The following DENND3 variants were observed in gnomAD, a reference collection of about 807,000 sequenced individuals.
The protein encoded by DENND3 is DENN domain containing 3, also known as DENN domain-containing protein 3.
Under a neutral mutation model 135.1 loss-of-function variants are expected in DENND3, and 88 were observed. That is an observed-to-expected ratio of 0.65 (90% confidence interval 0.55 to 0.78). The LOEUF (loss-of-function observed/expected upper bound fraction) is 0.78, where lower values mean the gene tolerates loss of function less well. DENND3 is among the 30% of genes least tolerant of loss of function. The probability of loss-of-function intolerance (pLI) is 0.00; values close to 1 mark genes in which losing one functional copy is unlikely to be tolerated. For synonymous variants in DENND3, 693 were observed against 712.3 expected (o/e 0.97, Z 0.43); for missense variants, 1,392 against 1,688.4 (o/e 0.82, Z 3.08).
chr8:141,180,461 T>C (rs1822946376), intron 16 of DENND3, among the ~76,000 whole-genome samples: 1 of 152,084 alleles, frequency 6.6e-6, no homozygotes, highest in Non-Finnish European at 1.5e-5. Flanking sequence ...GAAGGCTGTG[T>C]TTAAACAAAG....
intron 17 of DENND3, among the ~76,000 whole-genome samples, chr8:141,181,444 G>A (rs1037473495): frequency 2.0e-5 from 3 of 152,248 alleles, no homozygotes; most frequent in African/African-American, 7.2e-5. Flanking sequence ...CATAGGAACT[G>A]GAATGACAAG....
intron 18 of DENND3, among the ~76,000 whole-genome samples, chr8:141,187,644 A>G (rs1047423110): frequency 8.1e-6 from 1 of 123,686 alleles, no homozygotes; most frequent in East Asian, 2.9e-4. Flanking sequence ...AATACATACC[A>G]CCAAGAGGGT....
chr8:141,170,615 G>A (rs1004920446), intron 13 of DENND3, among the ~76,000 whole-genome samples: 7 of 152,200 alleles, frequency 4.6e-5, no homozygotes, highest in Non-Finnish European at 1.0e-4. Context: ...TCCCTGTGCC[G>A]TGCTTCGGGG....
At position 141,192,618 on chromosome 8, in the gene DENND3, C is replaced by T. The variant is rs373954188; in HGVS notation, c.3591C>T (p.Leu1197=). 32 of 1,598,836 alleles carry T rather than the reference C, an allele frequency of 2.0e-5. No homozygotes were observed. In the African/African-American group the frequency reaches 2.0e-4, roughly 10 times the overall value. ...CCCAGCCCCCGCAGAGGGTGCCCCTCGAGGACTGCTCTGAGATCAACTGCA... is the reference window on the plus strand; with the variant it reads ...CCCAGCCCCCGCAGAGGGTGCCCCTTGAGGACTGCTCTGAGATCAACTGCA... The part of the protein sequence containing the change: ...DLAQPPQRVP[L]EDCSEINCMI... The change falls in exon 22 of 23, where the codon CTC becomes CTT. Residue 1197 remains leucine, a synonymous_variant. Transcript: ENST00000519811.
Position 141,180,844 on chromosome 8 carries a change from C to G in DENND3, c.2934C>G (p.Leu978=), listed in dbSNP as rs762045380. The G allele has an allele frequency of 2.4e-5, 38 of 1,612,410 alleles. No individual in the cohort carries two copies. Among genetic ancestry groups the G allele is most frequent in the Non-Finnish European group, 3.0e-5 (35 of 1,179,364 alleles). Residue 978 remains leucine (L), a synonymous_variant, in exon 17 of 23, where the codon CTC becomes CTG. Transcript: ENST00000519811. ...TCCCACAAGCGGTGGACGTGCTGCT[C>G]TACACTCCAGGTAAGGCCCCTCTGC... ...EAFPQAVDVL[L]YTPGHLDPAE...
At chr8:141,171,407 G>A (rs1303805601) in intron 13 of DENND3, among the ~76,000 whole-genome samples, 1 of 152,234 alleles carries the variant, frequency 6.6e-6, no homozygotes, top group African/African-American at 2.4e-5. Context: ...CCCCAGGGAC[G>A]CTGACATGTC....
In DENND3 at chr8:141,155,863, A is replaced by G. The variant is rs182038845; in HGVS notation, c.1089A>G (p.Leu363=). The G allele has an allele frequency of 2.3e-5, 37 of 1,602,342 alleles. No individual in the cohort carries two copies. The highest frequency in any genetic ancestry group is 3.4e-5 in the Admixed American group (2 of 58,582). The part of the protein sequence containing the change: ...FEEVSKEADG[L]VLINIDHGSI... The stretch of plus-strand genomic sequence containing the variant: ...TTGTTTTCTAGGAAGCCGACGGTTT[A>G]GTTCTGATAAATATTGATCATGGGA... The change falls in exon 8 of 23, where the codon TTA becomes TTG. Residue 363 remains leucine (L), a synonymous_variant. Coordinates refer to ENST00000519811, the MANE Select transcript of DENND3 (RefSeq NM_001352890.3).
At chr8:141,136,235 C>T (rs545805930) in intron 1 of DENND3, among the ~76,000 whole-genome samples, 2 of 152,286 alleles carry the variant, frequency 1.3e-5, no homozygotes, top group Admixed American at 6.5e-5. Flanking sequence ...GCAGCCTGGA[C>T]GGCAGTGCTT....
rs1481668902 is a variant in DENND3 at position 141,128,670 on chromosome 8, C to T, written c.-38C>T. On this transcript the variant is annotated 5_prime_UTR_variant, in exon 1 of 23. Coordinates refer to ENST00000519811, the MANE Select transcript of DENND3 (RefSeq NM_001352890.3). This position sits in a 1 kb window ranked among gnomAD's most constrained non-coding sequence, Gnocchi z 4.5. ...TCTGCGGGCGACTGCGCGGCTGAGGCGCCCGAGTGCGGTACTGGCGGCGGG... is the reference window on the plus strand; with the variant it reads ...TCTGCGGGCGACTGCGCGGCTGAGGTGCCCGAGTGCGGTACTGGCGGCGGG... 12 of 1,288,512 alleles carry T rather than the reference C, an allele frequency of 9.3e-6. No homozygotes were observed. The highest frequency in any genetic ancestry group is 1.1e-5 in the Non-Finnish European group (11 of 1,009,874). 79.8% of individuals were successfully genotyped at this position (1,288,512 alleles called of 1,614,324 possible).
At position 141,192,646 on chromosome 8, in the gene DENND3, A is replaced by G. The variant is rs747954429; in HGVS notation, c.3619A>G (p.Ile1207Val). Residue 1207 changes from isoleucine (I) to valine (V), a missense_variant, in exon 22 of 23, where the codon ATC (isoleucine) becomes GTC (valine). Transcript: ENST00000519811. Reference sequence around the variant, plus strand: ...GGACTGCTCTGAGATCAACTGCATGATCCGGGTGAAGAAGCAGGTAGGGTG... The same window carrying G: ...GGACTGCTCTGAGATCAACTGCATGGTCCGGGTGAAGAAGCAGGTAGGGTG... The part of the protein sequence containing the change: ...LEDCSEINCM[I>V]RVKKQVWVGS... The G allele has an allele frequency of 6.2e-7, 1 of 1,606,588 alleles. No individual in the cohort carries two copies. The highest frequency in any genetic ancestry group is 1.1e-5 in the South Asian group (1 of 90,414).
In DENND3 at chr8:141,182,461, A is replaced by G. The variant is rs762043134; in HGVS notation, c.2944+1607A>G. ...CAGAGATGACTCCACAGACCAAGAT[A>G]CTTTGACCGTGGCATTTGAATACAT... On this transcript the variant is annotated intron_variant, in intron 17 of 22. Transcript: ENST00000519811. This position sits in a 1 kb window ranked among gnomAD's most constrained non-coding sequence, Gnocchi z 5.9. The G allele has an allele frequency of 7.8e-5, 77 of 985,284 alleles. 1 individual carries two copies. Among genetic ancestry groups the G allele is most frequent in the Non-Finnish European group, 9.3e-5 (77 of 829,926 alleles). 61.0% of individuals were successfully genotyped at this position (985,284 alleles called of 1,614,324 possible). A position where few individuals can be genotyped will look rare whatever the true frequency, so the allele number is the denominator to read the frequency against.
rs1371482989 is a variant in DENND3, at chr8:141,174,749, C to T, written c.2276-451C>T. ...AGAGGCCGACCCAGTGGCAGGGCAG[C>T]GGCGCTAAGGATCCAACCTTCCCGG... On this transcript the variant is annotated intron_variant, in intron 13 of 22. Transcript: ENST00000519811. The surrounding 1 kb of genome is among the most constrained non-coding windows in gnomAD (Gnocchi z 4.6). 1.3e-5 allele frequency among the ~76,000 whole-genome samples: 2 copies of T among 152,150 alleles called. No individual in the cohort carries two copies. Among genetic ancestry groups the T allele is most frequent in the East Asian group, 1.9e-4 (1 of 5,194 alleles).
chr8:141,161,389 A>G (rs1820115536), intron 9 of DENND3, among the ~76,000 whole-genome samples: 1 of 152,210 alleles, frequency 6.6e-6, no homozygotes, highest in Non-Finnish European at 1.5e-5. Flanking sequence ...TAATTACAGC[A>G]TTAGCTACCT....
intron 13 of DENND3, among the ~76,000 whole-genome samples, chr8:141,169,316 A>G (rs892700097): frequency 3.9e-5 from 6 of 152,220 alleles, no homozygotes; most frequent in African/African-American, 1.4e-4. Context: ...CCCTTAGGCA[A>G]TGTGCCTGTC....
In DENND3 at chr8:141,128,877, G is replaced by A. The variant is rs1815522274; in HGVS notation, c.102+68G>A. On this transcript the variant is annotated intron_variant, in intron 1 of 22. Coordinates refer to ENST00000519811, the MANE Select transcript of DENND3 (RefSeq NM_001352890.3). This position sits in a 1 kb window ranked among gnomAD's most constrained non-coding sequence, Gnocchi z 4.5. ...GCAGCCGGGACAGCAGTCGGAGAGC[G>A]GGCGCCCGGGTGCCCTGTGGGTTGG... is the stretch of plus-strand genomic sequence containing the variant. 3 of 1,206,218 alleles carry A rather than the reference G, an allele frequency of 2.5e-6. No individual in the cohort carries two copies. The allele number at this position is 1,206,218 out of a possible 1,614,324, so 74.7% of individuals were successfully genotyped here. A position where few individuals can be genotyped will look rare whatever the true frequency, so the allele number is the denominator to read the frequency against.
At chr8:141,181,557 AC>A (rs1369603841) in intron 17 of DENND3, among the ~76,000 whole-genome samples, 1 of 152,132 alleles carries the variant, frequency 6.6e-6, no homozygotes, top group Non-Finnish European at 1.5e-5. Flanking sequence ...GGGACCCTGC[AC>A]GCCGCATCAG....
chr8:141,166,502 G>T lies in DENND3; in HGVS notation c.1753+113G>T, dbSNP rs1285929465. ...AGGAGAGACGAGTGGGCTTGTTTTAGCAGCTGAGTTATTTGAAATGTTTAG... is the reference window on the plus strand; with the variant it reads ...AGGAGAGACGAGTGGGCTTGTTTTATCAGCTGAGTTATTTGAAATGTTTAG... On this transcript the variant is annotated intron_variant, in intron 12 of 22. Transcript: ENST00000519811. The surrounding 1 kb of genome is among the most constrained non-coding windows in gnomAD (Gnocchi z 4.3). 3 of 1,111,230 alleles carry T rather than the reference G, an allele frequency of 2.7e-6. 1 individual carries two copies. In the East Asian group the frequency reaches 7.5e-5, roughly 28 times the overall value. 68.8% of individuals were successfully genotyped at this position (1,111,230 alleles called of 1,614,324 possible). A position where few individuals can be genotyped will look rare whatever the true frequency, so the allele number is the denominator to read the frequency against.
Position 141,185,229 on chromosome 8 carries a change from C to T in DENND3, c.3035C>T (p.Ser1012Phe), listed in dbSNP as rs1823739852. The T allele has an allele frequency of 6.2e-7, 1 of 1,614,252 alleles. No homozygotes were observed. The highest frequency in any genetic ancestry group is 8.5e-7 in the Non-Finnish European group (1 of 1,180,048). ...GGCAAGGTGACCGTGTTCAATGCTT[C>T]TTCATGGACCATCCACCAGCACTCC... is the stretch of plus-strand genomic sequence containing the variant. ...SEGKVTVFNA[S>F]SWTIHQHSFK... is the part of the protein sequence containing the mutation. Residue 1012 changes from serine to phenylalanine, a missense_variant, in exon 18 of 23, where the codon TCT (serine) becomes TTT (phenylalanine). By Grantham distance (155) the Ser-to-Phe change is radical. Coordinates refer to ENST00000519811, the MANE Select transcript of DENND3 (RefSeq NM_001352890.3).
intron 18 of DENND3, 90 bp downstream of exon 18, chr8:141,185,368 C>T (rs1322347435): frequency 1.3e-6 from 2 of 1,529,070 alleles, no homozygotes; most frequent in Non-Finnish European, 1.8e-6. Context: ...CAGTAGGATA[C>T]AAGCTATTCC....
Sources: gnomAD v4.1 joint callset for allele counts (sites outside exome capture counted in the v4.1 genomes callset) on GRCh38, gnomAD v4.1.1 for gene constraint, Gnocchi (gnomAD v3.1) non-coding constraint, MANE v1.5 for transcripts, NCBI Gene and HGNC (gene_info 2026-07-23, HGNC 2026-07-21) for gene names.